The following PIWIL2 variants were observed in gnomAD, a reference collection of about 807,000 sequenced individuals.
PIWIL2 encodes piwi like RNA-mediated gene silencing 2.
In PIWIL2, 81 loss-of-function variants were observed where a neutral mutation model predicts 116.5. That is an observed-to-expected ratio of 0.70 (90% CI 0.58 to 0.84). The LOEUF (loss-of-function observed/expected upper bound fraction) is 0.84, where lower values mean the gene tolerates loss of function less well. Ranked by LOEUF, PIWIL2 falls within the 40% of genes least tolerant of loss-of-function variation. PIWIL2 has a pLI of 0.00. For synonymous variants in PIWIL2, 489 were observed against 429.5 expected (o/e 1.14, Z -1.71); for missense variants, 1,272 against 1,212.3 (o/e 1.05, Z -0.73).
At chr8:22,313,240 C>T (rs1370570638) in intron 16 of PIWIL2, among the ~76,000 whole-genome samples, 1 of 152,108 alleles carries the variant, frequency 6.6e-6, no homozygotes, top group South Asian at 2.1e-4. Context: ...ATCACAAACT[C>T]GTATGTCTCC....
intron 14 of PIWIL2, 111 bp from the exon 15 acceptor site, chr8:22,309,850 C>T: frequency 1.6e-6 from 1 of 612,860 alleles, no homozygotes; most frequent in South Asian, 2.4e-5. Flanking sequence ...AAAGTTCTAA[C>T]AGGGACAAGT....
chr8:22,303,978 G>T, intron 10 of PIWIL2, 43 bp from the exon 11 acceptor site: 1 of 1,331,874 alleles, frequency 7.5e-7, no homozygotes, highest in Non-Finnish European at 1.1e-6. Flanking sequence ...ATACTGTTCT[G>T]GATATATACT....
At chr8:22,288,153 C>T (rs1830672389) in intron 7 of PIWIL2, among the ~76,000 whole-genome samples, 1 of 152,070 alleles carries the variant, frequency 6.6e-6, no homozygotes, top group Non-Finnish European at 1.5e-5. Flanking sequence ...AAAAAATTAG[C>T]TGGGCATGGT....
intron 20 of PIWIL2, among the ~76,000 whole-genome samples, chr8:22,319,697 C>T (rs1305837578): frequency 2.0e-5 from 3 of 152,218 alleles, no homozygotes; most frequent in Non-Finnish European, 4.4e-5. Flanking sequence ...GTTGTATGGT[C>T]TTTTCACATG....
intron 3 of PIWIL2, 67 bp downstream of exon 3, chr8:22,281,274 G>A: frequency 3.9e-6 from 6 of 1,547,044 alleles, no homozygotes; most frequent in Non-Finnish European, 5.3e-6. Flanking sequence ...AATCCAAATG[G>A]TTTATTTTCA....
At chr8:22,321,952 C>T in intron 20 of PIWIL2, 1 of 985,228 alleles carries the variant, frequency 1.0e-6, no homozygotes, top group Non-Finnish European at 1.2e-6. Flanking sequence ...CCCATTTTCT[C>T]CATTCTAAAT....
intron 20 of PIWIL2, among the ~76,000 whole-genome samples, chr8:22,343,864 A>G (rs1180206493): frequency 6.6e-6 from 1 of 152,250 alleles, no homozygotes; most frequent in Non-Finnish European, 1.5e-5. Context: ...TTACATACAC[A>G]TACCAACAAT....
At chr8:22,296,961 A>C (rs551821770) in intron 10 of PIWIL2, among the ~76,000 whole-genome samples, 2 of 152,134 alleles carry the variant, frequency 1.3e-5, no homozygotes, top group East Asian at 1.9e-4. Context: ...CCTTTGAGAA[A>C]TATTTTCTGG....
At chr8:22,307,435 A>G (rs956430704) in intron 13 of PIWIL2, among the ~76,000 whole-genome samples, 1 of 151,802 alleles carries the variant, frequency 6.6e-6, no homozygotes, top group African/African-American at 2.4e-5. Context: ...ACATCATGAA[A>G]GAGAGAGTCG....
intron 20 of PIWIL2, among the ~76,000 whole-genome samples, chr8:22,320,969 A>G (rs1334576666): frequency 6.6e-6 from 1 of 152,126 alleles, no homozygotes; most frequent in Non-Finnish European, 1.5e-5. Flanking sequence ...CTCTTACACT[A>G]CTAAGCTGAC....
At chr8:22,302,573 G>A (rs1468861681) in intron 10 of PIWIL2, among the ~76,000 whole-genome samples, 4 of 151,950 alleles carry the variant, frequency 2.6e-5, no homozygotes, top group African/African-American at 4.8e-5. Flanking sequence ...GTCTTTGCTC[G>A]GTTTTTCCTT....
rs769390524 is a variant in PIWIL2 at position 22,341,299 on chromosome 8, T to TA, written c.2404-11646dup. 3.2e-3 allele frequency among the ~76,000 whole-genome samples: 461 copies of TA among 141,918 alleles called. 4 individuals carry two copies. Among genetic ancestry groups the TA allele is most frequent in the African/African-American group, 5.2e-3 (201 of 38,638 alleles). 93.1% of individuals were successfully genotyped at this position (141,918 alleles called of 152,430 possible). A position where few individuals can be genotyped will look rare whatever the true frequency, so the allele number is the denominator to read the frequency against. On this transcript the variant is annotated intron_variant, in intron 20 of 22. Coordinates refer to ENST00000356766, the MANE Select transcript of PIWIL2 (RefSeq NM_018068.5). ...AATCATTTGACACTCATTCATGATT[T>TA]AAAAAAAAAAAAAAGTCCAGGCGCG... is the stretch of plus-strand genomic sequence containing the variant.
At chr8:22,332,313 A>G (rs939762995) in intron 20 of PIWIL2, among the ~76,000 whole-genome samples, 2 of 152,104 alleles carry the variant, frequency 1.3e-5, no homozygotes, top group African/African-American at 4.8e-5. Context: ...CTGTCTCTCA[A>G]AAACAAAAAT....
chr8:22,331,566 G>GA (rs1341616535), intron 20 of PIWIL2, among the ~76,000 whole-genome samples: 2 of 152,002 alleles, frequency 1.3e-5, no homozygotes, highest in African/African-American at 4.8e-5. Context: ...TAGAAAGCAT[G>GA]AAAAAAATTG....
intron 20 of PIWIL2, among the ~76,000 whole-genome samples, chr8:22,320,841 C>G (rs1012681531): frequency 2.0e-5 from 3 of 152,168 alleles, no homozygotes; most frequent in African/African-American, 7.2e-5. Context: ...GATCCACCCC[C>G]CTCAGCCTCT....
intron 20 of PIWIL2, among the ~76,000 whole-genome samples, chr8:22,328,676 T>C (rs1200988072): frequency 6.6e-6 from 1 of 152,174 alleles, no homozygotes; most frequent in Non-Finnish European, 1.5e-5. Flanking sequence ...CTAGCTATTT[T>C]ATTCTTTTGG....
Position 22,311,280 on chromosome 8 carries a change from C to T in PIWIL2, c.1969C>T (p.Gln657Ter). The stretch of plus-strand genomic sequence containing the variant: ...AATAGAGACTTATGTCAGAACCATT[C>T]AATCCACGTTAGGAGCTGAGGTAAA... ...DRIETYVRTI[Q>*]STLGAEGKIQ... is the part of the protein sequence containing the mutation. Residue 657 changes from glutamine (Q) to a stop codon, truncating the protein, a stop_gained, in exon 16 of 23, where the codon CAA becomes TAA. Transcript: ENST00000356766. LOFTEE classifies it high-confidence loss of function. The T allele has an allele frequency of 3.1e-6, 5 of 1,611,348 alleles. No individual in the cohort carries two copies. The highest frequency in any genetic ancestry group is 4.2e-6 in the Non-Finnish European group (5 of 1,179,124).
intron 4 of PIWIL2, 131 bp from the exon 5 acceptor site, chr8:22,282,903 T>C: frequency 1.4e-6 from 1 of 730,320 alleles, no homozygotes; most frequent in African/African-American, 1.7e-5. Context: ...GCATATGTAG[T>C]TTGAGAGAAT....
chr8:22,281,611 A>G, intron 4 of PIWIL2, 96 bp downstream of exon 4: 1 of 1,021,592 alleles, frequency 9.8e-7, no homozygotes, highest in Non-Finnish European at 1.4e-6. Context: ...GTCATCTCAT[A>G]ATCAATGTCT....
Sources: gnomAD v4.1 joint callset for allele counts (sites outside exome capture counted in the v4.1 genomes callset) on GRCh38, gnomAD v4.1.1 for gene constraint, MANE v1.5 for transcripts, NCBI Gene and HGNC (gene_info 2026-07-23, HGNC 2026-07-21) for gene names.